The following ZEB1 variants were observed in gnomAD, a reference collection of about 807,000 sequenced individuals.
ZEB1 encodes the protein zinc finger E-box-binding homeobox 1.
ZEB1 carries 21 observed loss-of-function variants against 84.9 expected under a neutral mutation model. That is an observed-to-expected ratio of 0.25 (90% CI 0.18 to 0.36). ZEB1 has a LOEUF of 0.36. Ranked by LOEUF, ZEB1 falls within the 10% of genes least tolerant of loss-of-function variation. The pLI, the probability that ZEB1 is intolerant of heterozygous loss-of-function variation, is 1.00. For missense variants in ZEB1, 1,104 were observed against 1,330.2 expected, an observed-to-expected ratio of 0.83 and a Z score of 2.65; for synonymous variants, 420 against 471.1, an observed-to-expected ratio of 0.89 and a Z score of 1.41.
intron 2 of ZEB1, among the ~76,000 whole-genome samples, chr10:31,479,207 A>G (rs768095895): frequency 9.2e-5 from 14 of 151,876 alleles, no homozygotes; most frequent in African/African-American, 1.4e-4. Context: ...AACAGAAGAT[A>G]TAACAGACCA....
intron 1 of ZEB1, among the ~76,000 whole-genome samples, chr10:31,430,936 C>G (rs1411657072): frequency 6.6e-6 from 1 of 152,160 alleles, no homozygotes; most frequent in Admixed American, 6.5e-5. Flanking sequence ...TCCTATGATT[C>G]AACTTACAGT....
chr10:31,457,524 T>C lies in ZEB1; in HGVS notation c.59-3513T>C, dbSNP rs1343188952. 4.6e-5 allele frequency among the ~76,000 whole-genome samples: 7 copies of C among 152,150 alleles called. No individual in the cohort carries two copies. In the East Asian group the frequency reaches 1.3e-3, roughly 29 times the overall value. ...ATAAAATACATTGATTTTTTGGATT[T>C]TTCCCATTTTATGACACATATCAAA... On this transcript the variant is annotated intron_variant, in intron 1 of 8. Transcript: ENST00000424869.
intron 1 of ZEB1, among the ~76,000 whole-genome samples, chr10:31,410,535 G>T (rs1564762227): frequency 6.6e-6 from 1 of 152,172 alleles, no homozygotes; most frequent in African/African-American, 2.4e-5. Context: ...AGTTAGGGAG[G>T]AGTCCCTCTT....
rs147066136 is a variant in ZEB1 at position 31,485,774 on chromosome 10, T to TACAC, written c.260-9992_260-9989dup. ...TGATATTCATTTATTTGAGCTTTAA[T>TACAC]ACACACACACACAAACAGACACACA... On this transcript the variant is annotated intron_variant, in intron 2 of 8. Coordinates refer to ENST00000424869, the MANE Select transcript of ZEB1 (RefSeq NM_001174096.2). Among the ~76,000 whole-genome samples the TACAC allele has an allele frequency of 2.6e-5, 4 of 151,412 alleles. No homozygotes were observed. In the East Asian group the frequency reaches 5.9e-4, roughly 22 times the overall value.
chr10:31,526,995 A>G lies in ZEB1; in HGVS notation c.3109A>G (p.Ser1037Gly). The change falls in exon 9 of 9, where the codon AGT (serine) becomes GGT (glycine). Residue 1037 changes from serine (S) to glycine (G), a missense_variant. Ser to Gly is a moderately conservative substitution (Grantham distance 56). Transcript: ENST00000424869. ...TTTGACAAGGGAAGAGGATGAAGAC[A>G]GTGAAAAAGAGGAAGAGGAGGAGGA... ...ESLTREEDED[S>G]EKEEEEEDKE... The G allele has an allele frequency of 6.2e-7, 1 of 1,608,954 alleles. No individual in the cohort carries two copies. Among genetic ancestry groups the G allele is most frequent in the Non-Finnish European group, 8.5e-7 (1 of 1,177,252 alleles).
intron 1 of ZEB1, among the ~76,000 whole-genome samples, chr10:31,394,397 T>G (rs940130859): frequency 1.3e-5 from 2 of 152,190 alleles, no homozygotes; most frequent in African/African-American, 4.8e-5. Flanking sequence ...TAAAGTTTTT[T>G]ATTAATGCCT....
chr10:31,513,958 T>G (rs2070583244), intron 5 of ZEB1, among the ~76,000 whole-genome samples: 1 of 152,184 alleles, frequency 6.6e-6, no homozygotes, highest in East Asian at 1.9e-4. Flanking sequence ...GCAGTGCTTT[T>G]GTAAGATTAA....
rs143087903 is a variant in ZEB1 at position 31,451,562 on chromosome 10, T to C, written c.59-9475T>C. On this transcript the variant is annotated intron_variant, in intron 1 of 8. Coordinates refer to ENST00000424869, the MANE Select transcript of ZEB1 (RefSeq NM_001174096.2). ...CTTTTATAAATGCAGACTTTACTTA[T>C]GAAGGAAATATTAGTTATAGGTAAT... Among the ~76,000 whole-genome samples the C allele has an allele frequency of 6.2e-3, 951 of 152,382 alleles. 4 individuals are homozygous for C. Among genetic ancestry groups the C allele is most frequent in the Non-Finnish European group, 0.011 (751 of 68,032 alleles).
At chr10:31,347,942 G>A (rs2040605022) in intron 1 of ZEB1, among the ~76,000 whole-genome samples, 3 of 152,142 alleles carry the variant, frequency 2.0e-5, no homozygotes, top group Admixed American at 1.3e-4. Flanking sequence ...AATTAGTGGG[G>A]ACATTTTGCA....
intron 1 of ZEB1, among the ~76,000 whole-genome samples, chr10:31,365,099 G>T (rs1199795110): frequency 6.6e-6 from 1 of 152,188 alleles, no homozygotes; most frequent in African/African-American, 2.4e-5. Flanking sequence ...ATCAGCTTTG[G>T]TCTGTCCTAA....
At chr10:31,440,708 G>A (rs183105030) in intron 1 of ZEB1, among the ~76,000 whole-genome samples, 122 of 152,262 alleles carry the variant, frequency 8.0e-4, no homozygotes, top group African/African-American at 2.8e-3. Flanking sequence ...CTTCAGCAAA[G>A]TCTCAGGATA....
rs903992963 is a variant in ZEB1 at position 31,431,542 on chromosome 10, T to G, written c.59-29495T>G. Reference sequence around the variant, plus strand: ...ACAAAATTTATTTTAAATTTTAGTTTTAATAAGCTTTTTTAAACTCCGCAT... The same window carrying G: ...ACAAAATTTATTTTAAATTTTAGTTGTAATAAGCTTTTTTAAACTCCGCAT... On this transcript the variant is annotated intron_variant, in intron 1 of 8. Coordinates refer to ENST00000424869, the MANE Select transcript of ZEB1 (RefSeq NM_001174096.2). Among the ~76,000 whole-genome samples the G allele has an allele frequency of 2.0e-5, 3 of 152,270 alleles. No individual in the cohort carries two copies. The East Asian group carries it at 5.8e-4, about 29-fold the overall frequency.
At chr10:31,461,604 A>G (rs2061828197) in intron 2 of ZEB1, among the ~76,000 whole-genome samples, 2 of 152,154 alleles carry the variant, frequency 1.3e-5, no homozygotes, top group African/African-American at 4.8e-5. Context: ...TCAATATGCA[A>G]AAATCCCAAA....
chr10:31,442,821 T>G (rs2059197153), intron 1 of ZEB1, among the ~76,000 whole-genome samples: 1 of 152,166 alleles, frequency 6.6e-6, no homozygotes, highest in Admixed American at 6.5e-5. Context: ...TCAAGTCAAA[T>G]GAGGACTGAT....
At chr10:31,500,649 C>G (rs1343731193) in intron 3 of ZEB1, among the ~76,000 whole-genome samples, 1 of 152,162 alleles carries the variant, frequency 6.6e-6, no homozygotes, top group Non-Finnish European at 1.5e-5. Flanking sequence ...AGCAGTGTAC[C>G]ATAATCATGT....
At chr10:31,473,864 A>G (rs1348163703) in intron 2 of ZEB1, among the ~76,000 whole-genome samples, 1 of 150,954 alleles carries the variant, frequency 6.6e-6, no homozygotes, top group Non-Finnish European at 1.5e-5. Flanking sequence ...AAACAGAGAT[A>G]TAGATCAATG....
intron 1 of ZEB1, among the ~76,000 whole-genome samples, chr10:31,362,424 C>T (rs1387369224): frequency 6.6e-6 from 1 of 151,392 alleles, no homozygotes; most frequent in African/African-American, 2.4e-5. Context: ...GGCAGAGGCA[C>T]TCCTCGCTTC....
At chr10:31,450,441 C>T (rs1209999867) in intron 1 of ZEB1, among the ~76,000 whole-genome samples, 1 of 151,894 alleles carries the variant, frequency 6.6e-6, no homozygotes, top group African/African-American at 2.4e-5. Flanking sequence ...TTGTAATTAA[C>T]CATTTACCAA....
chr10:31,421,387 A>G (rs549406036), intron 1 of ZEB1, among the ~76,000 whole-genome samples: 1 of 152,288 alleles, frequency 6.6e-6, no homozygotes, highest in East Asian at 1.9e-4. Flanking sequence ...TTATATTGAT[A>G]AAACAAATAC....
Sources: gnomAD v4.1 joint callset for allele counts (sites outside exome capture counted in the v4.1 genomes callset) on GRCh38, gnomAD v4.1.1 for gene constraint, MANE v1.5 for transcripts, NCBI Gene and HGNC (gene_info 2026-07-23, HGNC 2026-07-21) for gene names.